Variants in CTNNA3 observed in about 807,000 individuals in gnomAD.
The protein encoded by CTNNA3 is catenin alpha 3, also known as catenin alpha-3.
In CTNNA3, 76 loss-of-function variants were observed where a neutral mutation model predicts 95.7. The ratio of observed to expected loss-of-function variants is 0.79; its 90% CI spans 0.66 to 0.96. CTNNA3 has a LOEUF of 0.96. CTNNA3 is among the 40% of genes least tolerant of loss of function. The pLI is 0.00. For missense variants in CTNNA3, 1,191 were observed against 1,089.8 expected (o/e 1.09, Z -1.31); for synonymous variants, 431 against 374.4 (o/e 1.15, Z -1.74).
At chr10:66,216,818 A>G (rs2088568465) in intron 13 of CTNNA3, among the ~76,000 whole-genome samples, 1 of 152,222 alleles carries the variant, frequency 6.6e-6, no homozygotes, top group African/African-American at 2.4e-5. Context: ...ACATTACAAT[A>G]TAAATACCAG....
intron 11 of CTNNA3, among the ~76,000 whole-genome samples, chr10:66,512,698 T>C (rs1180491306): frequency 6.6e-6 from 1 of 152,174 alleles, no homozygotes; most frequent in Non-Finnish European, 1.5e-5. Flanking sequence ...TTAACAGTGA[T>C]TAATTCCCTC....
chr10:66,558,353 T>G (rs1781298177), intron 10 of CTNNA3, among the ~76,000 whole-genome samples: 1 of 152,138 alleles, frequency 6.6e-6, no homozygotes, highest in Admixed American at 6.6e-5. Flanking sequence ...TTTCCTACTC[T>G]TGCCAAGATT....
At chr10:67,628,733 CATAATT>C (rs1419165539) in intron 2 of CTNNA3, among the ~76,000 whole-genome samples, 2 of 151,928 alleles carry the variant, frequency 1.3e-5, no homozygotes, top group African/African-American at 4.8e-5. Flanking sequence ...TGTTGTCATT[CATAATT>C]ATGAGTGTTA....
chr10:66,323,745 G>A lies in CTNNA3; in HGVS notation c.1733-43124C>T, dbSNP rs141341895. On this transcript the variant is annotated intron_variant, in intron 12 of 17. Transcript: ENST00000433211. ...CACCCGTGGCCCTAAATGAGAACAGGCATTTCTGTTTTCTCTCCCAAAAAG... is the reference window on the plus strand; with the variant it reads ...CACCCGTGGCCCTAAATGAGAACAGACATTTCTGTTTTCTCTCCCAAAAAG... Among the ~76,000 whole-genome samples, 949 of 151,952 alleles carry A rather than the reference G, an allele frequency of 6.2e-3. 8 individuals carry two copies. Among genetic ancestry groups the A allele is most frequent in the African/African-American group, 0.021 (889 of 41,476 alleles).
At chr10:66,488,800 G>A (rs1352566574) in intron 11 of CTNNA3, among the ~76,000 whole-genome samples, 1 of 151,874 alleles carries the variant, frequency 6.6e-6, no homozygotes, top group African/African-American at 2.4e-5. Context: ...AATTGATCAT[G>A]CCTCTCCAAA....
At chr10:66,147,353 GT>G (rs1315790122) in intron 13 of CTNNA3, among the ~76,000 whole-genome samples, 1 of 151,992 alleles carries the variant, frequency 6.6e-6, no homozygotes, top group Non-Finnish European at 1.5e-5. Flanking sequence ...TGTAACAAAA[GT>G]TGCAAAGATT....
chr10:66,621,745 C>T lies in CTNNA3; in HGVS notation c.1321G>A (p.Gly441Arg). ...GCTGCAATTTTGACAATTTTAATTC[C>T]ATCTTCATTTGTTGACATGGAACAA... is the stretch of plus-strand genomic sequence containing the variant. The part of the protein sequence containing the change: ...LACSMSTNED[G>R]IKIVKIAANH... The change falls in exon 10 of 18, where the codon GGA (glycine) becomes AGA (arginine). Residue 441 changes from glycine (G) to arginine (R), a missense_variant. Gly to Arg is a moderately radical substitution (Grantham distance 125). Coordinates refer to ENST00000433211, the MANE Select transcript of CTNNA3 (RefSeq NM_013266.4). The T allele has an allele frequency of 6.2e-7, 1 of 1,611,728 alleles. No homozygotes were observed. The highest frequency in any genetic ancestry group is 1.3e-5 in the African/African-American group (1 of 74,848).
At chr10:67,627,845 A>G (rs1156985224) in intron 2 of CTNNA3, among the ~76,000 whole-genome samples, 1 of 151,854 alleles carries the variant, frequency 6.6e-6, no homozygotes, top group Non-Finnish European at 1.5e-5. Flanking sequence ...TACTATTATA[A>G]TTAGTATATA....
chr10:67,442,201 T>C (rs1846547451), intron 5 of CTNNA3, among the ~76,000 whole-genome samples: 1 of 151,624 alleles, frequency 6.6e-6, no homozygotes, highest in African/African-American at 2.4e-5. Context: ...CATGGTAACC[T>C]CAAATTGAAA....
intron 17 of CTNNA3, among the ~76,000 whole-genome samples, chr10:65,945,160 G>GTGTATA (rs770163166): frequency 6.8e-6 from 1 of 146,110 alleles, no homozygotes; most frequent in African/African-American, 2.7e-5. Flanking sequence ...GTGTGTGTGT[G>GTGTATA]TATATATATA....
In CTNNA3 at chr10:65,915,927, G is replaced by T. The variant is rs143159665; in HGVS notation, c.*4403C>A. 6.6e-6 allele frequency: 1 copy of T among 152,144 alleles called. No homozygotes were observed. Among genetic ancestry groups the T allele is most frequent in the Admixed American group, 6.6e-5 (1 of 15,258 alleles). 9.4% of individuals were successfully genotyped at this position (152,144 alleles called of 1,614,324 possible). A position where few individuals can be genotyped will look rare whatever the true frequency, so the allele number is the denominator to read the frequency against. On this transcript the variant is annotated 3_prime_UTR_variant, in exon 18 of 18. Coordinates refer to ENST00000433211, the MANE Select transcript of CTNNA3 (RefSeq NM_013266.4). ...TTCTCTTTGAGATGACTAAGATAGC[G>T]TTAGTAGCCTCATTCAAAACATTTT...
At chr10:67,028,564 G>C (rs988585595) in intron 7 of CTNNA3, among the ~76,000 whole-genome samples, 3 of 150,492 alleles carry the variant, frequency 2.0e-5, no homozygotes, top group African/African-American at 7.3e-5. Flanking sequence ...ATAGAATGTA[G>C]TTATGTCAAA....
chr10:67,167,306 CT>C (rs978817922), intron 7 of CTNNA3, among the ~76,000 whole-genome samples: 2 of 151,976 alleles, frequency 1.3e-5, no homozygotes, highest in African/African-American at 2.4e-5. Context: ...TTAATGCGGG[CT>C]TTTGGCTAGG....
chr10:67,072,685 T>C lies in CTNNA3; in HGVS notation c.1047+107632A>G, dbSNP rs74887591. ...CTGGATTTTGATTGAAAGCCTGGTATATCTTTATCTTCTGGGCCCTGAAAA... is the reference window on the plus strand; with the variant it reads ...CTGGATTTTGATTGAAAGCCTGGTACATCTTTATCTTCTGGGCCCTGAAAA... On this transcript the variant is annotated intron_variant, in intron 7 of 17. Coordinates refer to ENST00000433211, the MANE Select transcript of CTNNA3 (RefSeq NM_013266.4). Among the ~76,000 whole-genome samples, 1,561 of 152,320 alleles carry C rather than the reference T, an allele frequency of 0.01. 65 individuals are homozygous for C. In the East Asian group the frequency reaches 0.14, roughly 14 times the overall value.
At chr10:66,637,774 C>T (rs1845385245) in intron 9 of CTNNA3, among the ~76,000 whole-genome samples, 1 of 152,144 alleles carries the variant, frequency 6.6e-6, no homozygotes, top group Non-Finnish European at 1.5e-5. Context: ...ACAGAGAATG[C>T]CAATAAAAGC....
At chr10:66,199,805 ATTTTTTTTTTTTT>A (rs1226520776) in intron 13 of CTNNA3, among the ~76,000 whole-genome samples, 1 of 14,292 alleles carries the variant, frequency 7.0e-5, no homozygotes, top group Non-Finnish European at 1.1e-4. Context: ...ATATATATAT[ATTTTTTTTTTTTT>A]TTTTTTTTTT....
chr10:67,449,786 G>A (rs1846898606), intron 5 of CTNNA3, among the ~76,000 whole-genome samples: 1 of 151,844 alleles, frequency 6.6e-6, no homozygotes. Flanking sequence ...AAGCAATCAG[G>A]ACAAAAGCAA....
intron 11 of CTNNA3, among the ~76,000 whole-genome samples, chr10:66,476,210 C>G (rs1258826900): frequency 6.6e-6 from 1 of 151,704 alleles, no homozygotes; most frequent in Non-Finnish European, 1.5e-5. Flanking sequence ...GTCTTATCAG[C>G]AGGAACGGGG....
intron 7 of CTNNA3, among the ~76,000 whole-genome samples, chr10:66,970,943 G>A (rs901843393): frequency 1.3e-5 from 2 of 152,070 alleles, no homozygotes; most frequent in African/African-American, 2.4e-5. Context: ...ATAGAAAGAA[G>A]TTATCTATTA....
Sources: allele counts gnomAD v4.1 joint callset (sites outside exome capture counted in the v4.1 genomes callset), GRCh38; gene constraint gnomAD v4.1.1; transcripts MANE v1.5; gene names NCBI Gene and HGNC (gene_info 2026-07-23, HGNC 2026-07-21).